VPS13B: variants seen among roughly 807,000 people sequenced by gnomAD.
VPS13B encodes the protein intermembrane lipid transfer protein VPS13B.
A neutral mutation model predicts 426.4 loss-of-function variants in VPS13B; 285 were observed. That is an observed-to-expected ratio of 0.67 (90% CI 0.61 to 0.74). The LOEUF (loss-of-function observed/expected upper bound fraction) is 0.74, where lower values mean the gene tolerates loss of function less well. VPS13B is among the 30% of genes least tolerant of loss of function. The pLI is 0.00. For synonymous variants in VPS13B, 1,676 were observed against 1,676.4 expected (o/e 1.00, Z 0.01); for missense variants, 4,537 against 4,782.6 (o/e 0.95, Z 1.51).
chr8:99,088,055 G>A (rs1048303497), intron 3 of VPS13B, among the ~76,000 whole-genome samples: 1 of 151,848 alleles, frequency 6.6e-6, no homozygotes, highest in Non-Finnish European at 1.5e-5. Flanking sequence ...GTGGTGGCAT[G>A]CACGTGTAAT....
At chr8:99,493,797 A>AAAAAG (rs1563759964) in intron 25 of VPS13B, among the ~76,000 whole-genome samples, 2 of 149,474 alleles carry the variant, frequency 1.3e-5, no homozygotes, top group African/African-American at 4.9e-5. Context: ...AAAAAAAAAA[A>AAAAAG]AAAAGAAAAG....
At chr8:99,706,347 C>G (rs1255768237) in intron 36 of VPS13B, among the ~76,000 whole-genome samples, 1 of 152,278 alleles carries the variant, frequency 6.6e-6, no homozygotes, top group East Asian at 1.9e-4. Context: ...TGTTTAAGAT[C>G]ATTACTTTCT....
intron 25 of VPS13B, among the ~76,000 whole-genome samples, chr8:99,482,259 CTTTTTA>C (rs1283825557): frequency 6.6e-6 from 1 of 152,006 alleles, no homozygotes; most frequent in East Asian, 1.9e-4. Context: ...AAAAGCTTTT[CTTTTTA>C]TTTTTAACGT....
intron 36 of VPS13B, among the ~76,000 whole-genome samples, chr8:99,710,836 A>G (rs1359151389): frequency 3.3e-4 from 23 of 70,354 alleles, no homozygotes; most frequent in Middle Eastern, 0.011. Context: ...CTAAAAATGC[A>G]AAAAAAAAAA....
At chr8:99,418,894 G>A (rs932517193) in intron 21 of VPS13B, among the ~76,000 whole-genome samples, 1 of 152,220 alleles carries the variant, frequency 6.6e-6, no homozygotes, top group Non-Finnish European at 1.5e-5. Flanking sequence ...GTGTTCACCA[G>A]TTAGTCTTAA....
At chr8:99,434,396 A>G (rs1220472055) in intron 22 of VPS13B, among the ~76,000 whole-genome samples, 1 of 152,174 alleles carries the variant, frequency 6.6e-6, no homozygotes, top group East Asian at 1.9e-4. Context: ...ACCATAATTC[A>G]AGTATTTAAC....
At chr8:99,370,771 G>A (rs944992376) in intron 19 of VPS13B, among the ~76,000 whole-genome samples, 36 of 151,856 alleles carry the variant, frequency 2.4e-4, no homozygotes, top group African/African-American at 8.5e-4. Context: ...CACCATGCCC[G>A]ACTAATTTTT....
chr8:99,052,865 A>T (rs986915057), intron 3 of VPS13B, among the ~76,000 whole-genome samples: 16 of 152,018 alleles, frequency 1.1e-4, no homozygotes, highest in African/African-American at 3.9e-4. Flanking sequence ...TTTCTGTGGG[A>T]TTGGTGGTGA....
At chr8:99,305,199 T>G (rs1196278215) in intron 19 of VPS13B, among the ~76,000 whole-genome samples, 1 of 152,168 alleles carries the variant, frequency 6.6e-6, no homozygotes, top group Non-Finnish European at 1.5e-5. Flanking sequence ...ATTCTGTAAC[T>G]TCATATGAAT....
intron 17 of VPS13B, among the ~76,000 whole-genome samples, chr8:99,203,998 G>A (rs917135515): frequency 1.3e-5 from 2 of 152,034 alleles, no homozygotes; most frequent in Admixed American, 1.3e-4. Context: ...AACAGAATTG[G>A]CAAAAACTAC....
Position 99,205,083 on chromosome 8 carries a change from A to G in VPS13B, c.2515+12026A>G, listed in dbSNP as rs570772613. ...TGTTTATTGCAGCACTATTCGGAATAGCAAAGACTTGGAACCAACCCAAAT... is the reference window on the plus strand; with the variant it reads ...TGTTTATTGCAGCACTATTCGGAATGGCAAAGACTTGGAACCAACCCAAAT... On this transcript the variant is annotated intron_variant, in intron 17 of 61. Coordinates refer to ENST00000357162, the MANE Select transcript of VPS13B (RefSeq NM_152564.5). Among the ~76,000 whole-genome samples the G allele has an allele frequency of 4.8e-4, 73 of 152,362 alleles. 1 individual carries two copies. Among genetic ancestry groups the G allele is most frequent in the African/African-American group, 1.5e-3 (62 of 41,592 alleles).
intron 3 of VPS13B, among the ~76,000 whole-genome samples, chr8:99,064,451 T>C (rs1287648966): frequency 3.9e-5 from 6 of 152,142 alleles, no homozygotes; most frequent in Admixed American, 3.9e-4. Flanking sequence ...ATGAGAACTA[T>C]GTGAAATATG....
At chr8:99,474,627 A>G (rs1819596715) in intron 24 of VPS13B, among the ~76,000 whole-genome samples, 1 of 152,228 alleles carries the variant, frequency 6.6e-6, no homozygotes. Flanking sequence ...TATGCCCAAT[A>G]TCATTATCAG....
chr8:99,042,511 A>T (rs1055112734), intron 3 of VPS13B, among the ~76,000 whole-genome samples: 5 of 152,222 alleles, frequency 3.3e-5, no homozygotes, highest in Non-Finnish European at 7.3e-5. Flanking sequence ...ATGTACCTAC[A>T]GGTTTAGCTA....
At chr8:99,209,880 T>C in intron 17 of VPS13B, 1 of 386,702 alleles carries the variant, frequency 2.6e-6, no homozygotes. Context: ...TAATGTATAC[T>C]AAATGTTAAT....
chr8:99,397,331 G>T (rs1563707355), intron 21 of VPS13B, among the ~76,000 whole-genome samples: 1 of 152,092 alleles, frequency 6.6e-6, no homozygotes. Context: ...TTTTAGTAGA[G>T]ACGGGGTTTC....
chr8:99,787,360 T>C (rs1223751096), intron 43 of VPS13B, among the ~76,000 whole-genome samples: 1 of 152,180 alleles, frequency 6.6e-6, no homozygotes, highest in African/African-American at 2.4e-5. Context: ...ATGCTCCTTA[T>C]AGTTTCTAAC....
chr8:99,394,224 T>C (rs745330333), intron 21 of VPS13B, among the ~76,000 whole-genome samples: 11 of 152,198 alleles, frequency 7.2e-5, no homozygotes, highest in African/African-American at 9.6e-5. Context: ...TTAAAATTAT[T>C]TTTTAAATTT....
At chr8:99,511,637 T>A (rs904687217) in intron 29 of VPS13B, 125 bp downstream of exon 29, 1 of 946,396 alleles carries the variant, frequency 1.1e-6, no homozygotes, top group Middle Eastern at 2.9e-4. Context: ...GTTTGGTATA[T>A]TTTATAGAGA....
Sources: gnomAD v4.1 joint callset for allele counts (sites outside exome capture counted in the v4.1 genomes callset) on GRCh38, gnomAD v4.1.1 for gene constraint, MANE v1.5 for transcripts, NCBI Gene and HGNC (gene_info 2026-07-23, HGNC 2026-07-21) for gene names.